Variants in OSBPL9 observed in about 807,000 individuals in gnomAD.
The protein encoded by OSBPL9 is oxysterol-binding protein-related protein 9.
Under a neutral mutation model 106.6 loss-of-function variants are expected in OSBPL9, and 40 were observed. The observed-to-expected ratio is 0.38, with a 90% CI of 0.29 to 0.49. The LOEUF is 0.49. Among genes scored for constraint, OSBPL9 ranks in the 20% least tolerant of loss-of-function variants. OSBPL9 has a pLI of 0.97. For missense variants in OSBPL9, 609 were observed against 887.2 expected (o/e 0.69, Z 3.98); for synonymous variants, 269 against 295.4 (o/e 0.91, Z 0.92).
intron 16 of OSBPL9, 126 bp downstream of exon 16, chr1:51,781,461 T>C (rs1426714143): frequency 1.0e-6 from 1 of 952,826 alleles, no homozygotes; most frequent in East Asian, 2.6e-5. Flanking sequence ...AAGAAATTGT[T>C]GTTAGAGCAG....
chr1:51,679,856 A>G (rs1652115696), intron 3 of OSBPL9, among the ~76,000 whole-genome samples: 3 of 152,122 alleles, frequency 2.0e-5, no homozygotes, highest in African/African-American at 7.2e-5. Flanking sequence ...CTATTTTATT[A>G]TTAGTTGTTA....
At chr1:51,581,195 G>A (rs191080584) in intron 1 of OSBPL9, among the ~76,000 whole-genome samples, 10 of 151,668 alleles carry the variant, frequency 6.6e-5, no homozygotes, top group Admixed American at 2.0e-4. Context: ...AAACTGCTGG[G>A]ATTACAAGGT....
intron 1 of OSBPL9, among the ~76,000 whole-genome samples, chr1:51,630,555 A>G (rs992933539): frequency 6.6e-6 from 1 of 152,240 alleles, no homozygotes; most frequent in African/African-American, 2.4e-5. Context: ...GGCACTTACC[A>G]TGAATGAAGC....
chr1:51,775,686 C>T (rs918427350), intron 14 of OSBPL9, among the ~76,000 whole-genome samples: 22 of 152,142 alleles, frequency 1.4e-4, no homozygotes, highest in Admixed American at 2.6e-4. Context: ...TCTTGGCTCA[C>T]GGCAACCTCT....
At chr1:51,773,914 G>A (rs1674477891) in intron 14 of OSBPL9, among the ~76,000 whole-genome samples, 1 of 151,258 alleles carries the variant, frequency 6.6e-6, no homozygotes, top group African/African-American at 2.4e-5. Flanking sequence ...AATTGCTTCA[G>A]TAATCATTAG....
the OSBPL9 span, among the ~76,000 whole-genome samples, chr1:51,558,980 AAAC>A: frequency 2.8e-4 from 43 of 152,190 alleles, no homozygotes; most frequent in Admixed American, 7.2e-4. Flanking sequence ...AAAACAAAAC[AAAC>A]AACAACAACT....
intron 15 of OSBPL9, among the ~76,000 whole-genome samples, chr1:51,779,208 C>T (rs1172237292): frequency 1.3e-5 from 2 of 152,168 alleles, no homozygotes; most frequent in African/African-American, 4.8e-5. Flanking sequence ...GACCCAGGCA[C>T]ATAGACCAAT....
At chr1:51,768,900 A>C (rs1032552979) in intron 12 of OSBPL9, among the ~76,000 whole-genome samples, 3 of 152,166 alleles carry the variant, frequency 2.0e-5, no homozygotes, top group Admixed American at 1.3e-4. Flanking sequence ...TTTATGTCCA[A>C]CTAACCCACT....
At chr1:51,656,576 C>T (rs991847633) in intron 2 of OSBPL9, among the ~76,000 whole-genome samples, 6 of 151,934 alleles carry the variant, frequency 3.9e-5, no homozygotes, top group African/African-American at 7.3e-5. Flanking sequence ...CTTTCTAATC[C>T]GCATACTTCT....
At chr1:51,617,284 G>A (rs2148611146) in intron 1 of OSBPL9, 63 bp downstream of exon 1, 1 of 1,506,956 alleles carries the variant, frequency 6.6e-7, no homozygotes, top group Non-Finnish European at 9.0e-7. Flanking sequence ...TGGAGGTGGG[G>A]GACCGGGGTT....
the OSBPL9 span, among the ~76,000 whole-genome samples, chr1:51,560,199 G>A: frequency 1.3e-5 from 2 of 152,232 alleles, no homozygotes; most frequent in African/African-American, 4.8e-5. Flanking sequence ...ACGTGGCCAT[G>A]GGACTTTGCA....
upstream of OSBPL9, among the ~76,000 whole-genome samples, chr1:51,576,006 T>C (rs1645181598): frequency 6.6e-6 from 1 of 152,244 alleles, no homozygotes; most frequent in South Asian, 2.1e-4. Context: ...TACTATTCTT[T>C]GCCCATTCAC....
intron 2 of OSBPL9, among the ~76,000 whole-genome samples, chr1:51,653,039 C>T (rs1364848143): frequency 3.3e-5 from 5 of 152,006 alleles, no homozygotes; most frequent in Admixed American, 6.5e-5. Context: ...TGGGAAATAC[C>T]GCTGAGAAAG....
chr1:51,520,901 A>G, the OSBPL9 span, among the ~76,000 whole-genome samples: 536 of 152,310 alleles, frequency 3.5e-3, 3 homozygotes, highest in African/African-American at 0.012. Flanking sequence ...TTTGCTGCTA[A>G]TCTCTTTAAC....
chr1:51,741,220 G>A (rs898077869), intron 4 of OSBPL9, among the ~76,000 whole-genome samples: 9 of 152,104 alleles, frequency 5.9e-5, no homozygotes, highest in African/African-American at 7.2e-5. Context: ...TACAAGTCTA[G>A]TTATATTATT....
upstream of OSBPL9, among the ~76,000 whole-genome samples, chr1:51,613,838 C>T (rs1381808795): frequency 2.0e-5 from 3 of 151,778 alleles, no homozygotes; most frequent in African/African-American, 4.8e-5. Flanking sequence ...ACCTCCTGGG[C>T]TCAAGCAATC....
chr1:51,779,419 T>G (rs960249783), intron 15 of OSBPL9, among the ~76,000 whole-genome samples: 3 of 152,170 alleles, frequency 2.0e-5, no homozygotes, highest in African/African-American at 7.2e-5. Flanking sequence ...ATCAGAGACT[T>G]AAATCTAAGA....
chr1:51,597,075 G>A (rs1645303729), intron 1 of OSBPL9, among the ~76,000 whole-genome samples: 2 of 152,146 alleles, frequency 1.3e-5, no homozygotes, highest in South Asian at 2.1e-4. Context: ...CCAAGAAGAG[G>A]CAACAAGTGC....
the OSBPL9 span, among the ~76,000 whole-genome samples, chr1:51,556,206 G>T: frequency 6.6e-6 from 1 of 152,146 alleles, no homozygotes; most frequent in Non-Finnish European, 1.5e-5. Context: ...GCAGTTAATT[G>T]TCACCCAATA....
Sources: allele counts gnomAD v4.1 joint callset (sites outside exome capture counted in the v4.1 genomes callset), GRCh38; gene constraint gnomAD v4.1.1; transcripts MANE v1.5; gene names NCBI Gene and HGNC (gene_info 2026-07-23, HGNC 2026-07-21).